Variants in DNER observed in about 807,000 individuals in gnomAD.
DNER encodes delta/notch like EGF repeat containing.
Under a neutral mutation model 78.2 loss-of-function variants are expected in DNER, and 33 were observed. That is an observed-to-expected ratio of 0.42 (90% CI 0.32 to 0.56). The LOEUF (loss-of-function observed/expected upper bound fraction) is 0.56, where lower values mean the gene tolerates loss of function less well. Ranked by LOEUF, DNER falls within the 20% of genes least tolerant of loss-of-function variation. DNER has a pLI of 0.11. For missense variants in DNER, 918 were observed against 975.3 expected (o/e 0.94, Z 0.78); for synonymous variants, 417 against 384.8 (o/e 1.08, Z -0.98).
At chr2:229,471,617 C>T (rs954861645) in intron 7 of DNER, among the ~76,000 whole-genome samples, 2 of 152,116 alleles carry the variant, frequency 1.3e-5, no homozygotes, top group African/African-American at 2.4e-5. Flanking sequence ...TCCTTTTTAC[C>T]GAAGAAAACT....
chr2:229,540,189 A>G (rs1696484270), intron 5 of DNER, among the ~76,000 whole-genome samples: 1 of 152,128 alleles, frequency 6.6e-6, no homozygotes, highest in African/African-American at 2.4e-5. Flanking sequence ...GAGCCTGAAA[A>G]ATAGTTGGGG....
chr2:229,368,860 A>G (rs1479051093), intron 11 of DNER, among the ~76,000 whole-genome samples: 2 of 152,222 alleles, frequency 1.3e-5, no homozygotes, highest in Non-Finnish European at 2.9e-5. Context: ...TCTCTAAAAG[A>G]CAGGATTAAA....
intron 5 of DNER, among the ~76,000 whole-genome samples, chr2:229,528,275 G>T (rs537468251): frequency 6.6e-6 from 1 of 152,338 alleles, no homozygotes; most frequent in Non-Finnish European, 1.5e-5. Flanking sequence ...CAAGGACCAT[G>T]AGAAGGTGAC....
chr2:229,575,728 C>T (rs1344904469), intron 4 of DNER, among the ~76,000 whole-genome samples: 1 of 152,162 alleles, frequency 6.6e-6, no homozygotes. Flanking sequence ...GAATGGAATG[C>T]TCGGGGTATC....
At chr2:229,709,230 T>A (rs2154217863) in intron 1 of DNER, among the ~76,000 whole-genome samples, 1 of 152,366 alleles carries the variant, frequency 6.6e-6, no homozygotes. Flanking sequence ...CATTCTTGCA[T>A]ACTTCTTTAC....
At chr2:229,679,438 C>T (rs1247584217) in intron 1 of DNER, among the ~76,000 whole-genome samples, 1 of 152,162 alleles carries the variant, frequency 6.6e-6, no homozygotes, top group African/African-American at 2.4e-5. Flanking sequence ...TTCAACTTCA[C>T]TTGTACAAAC....
chr2:229,540,810 T>C (rs923671284), intron 5 of DNER, among the ~76,000 whole-genome samples: 12 of 152,162 alleles, frequency 7.9e-5, no homozygotes, highest in Non-Finnish European at 1.6e-4. Flanking sequence ...GCCAGCTCAA[T>C]TGTCTCTCAA....
chr2:229,559,194 G>A (rs1696910484), intron 4 of DNER, among the ~76,000 whole-genome samples: 1 of 152,116 alleles, frequency 6.6e-6, no homozygotes, highest in Non-Finnish European at 1.5e-5. Context: ...CAATCAAGTT[G>A]GTGGTTGGAC....
chr2:229,371,099 G>A (rs1692471640), intron 11 of DNER, among the ~76,000 whole-genome samples: 1 of 152,104 alleles, frequency 6.6e-6, no homozygotes, highest in Non-Finnish European at 1.5e-5. Context: ...CTCTCCCCCT[G>A]CCCTTTTCTT....
intron 7 of DNER, among the ~76,000 whole-genome samples, chr2:229,452,800 G>T (rs1165247218): frequency 6.6e-6 from 1 of 151,998 alleles, no homozygotes; most frequent in Non-Finnish European, 1.5e-5. Flanking sequence ...GCTAATTTTT[G>T]TATTTTTAGT....
chr2:229,580,130 C>T (rs16826216), intron 4 of DNER: 1 of 152,188 alleles, frequency 6.6e-6, no homozygotes, highest in Non-Finnish European at 1.5e-5. Flanking sequence ...AGCACTCTCT[C>T]TAGAGCTCCC....
chr2:229,621,665 A>G (rs566008967), intron 1 of DNER, among the ~76,000 whole-genome samples: 10 of 151,794 alleles, frequency 6.6e-5, no homozygotes, highest in African/African-American at 1.9e-4. Context: ...CATGCTCCCA[A>G]CAGGATGATC....
chr2:229,502,043 A>G (rs966851251), intron 6 of DNER, among the ~76,000 whole-genome samples: 7 of 152,316 alleles, frequency 4.6e-5, no homozygotes, highest in Non-Finnish European at 8.8e-5. Context: ...GAGTAACGGA[A>G]GAACTAACAG....
intron 11 of DNER, among the ~76,000 whole-genome samples, chr2:229,371,728 A>G (rs1401593221): frequency 1.3e-5 from 2 of 152,200 alleles, no homozygotes; most frequent in Non-Finnish European, 2.9e-5. Flanking sequence ...TGCATCTAAA[A>G]TACATAGCCC....
At chr2:229,404,992 CAGT>C (rs1693350201) in intron 10 of DNER, among the ~76,000 whole-genome samples, 1 of 151,868 alleles carries the variant, frequency 6.6e-6, no homozygotes, top group African/African-American at 2.4e-5. Context: ...AGGCAAATGA[CAGT>C]GGAAAAATAT....
At chr2:229,619,849 T>C (rs1387664861) in intron 1 of DNER, among the ~76,000 whole-genome samples, 1 of 152,258 alleles carries the variant, frequency 6.6e-6, no homozygotes, top group Non-Finnish European at 1.5e-5. Flanking sequence ...ATAAACTTAC[T>C]ACAGTGATTT....
chr2:229,376,105 G>A (rs547849116), intron 11 of DNER, among the ~76,000 whole-genome samples: 115 of 152,338 alleles, frequency 7.5e-4, no homozygotes, highest in African/African-American at 2.4e-3. Flanking sequence ...CAGCCATGCT[G>A]AAATGTGAGT....
At chr2:229,702,840 A>C (rs895817254) in intron 1 of DNER, among the ~76,000 whole-genome samples, 2 of 149,356 alleles carry the variant, frequency 1.3e-5, no homozygotes, top group Non-Finnish European at 3.0e-5. Context: ...CGGTGTGAAC[A>C]CGGGAGGTAG....
At chr2:229,546,918 T>C (rs148518467) in intron 5 of DNER, 29 bp downstream of exon 5, 20 of 1,613,646 alleles carry the variant, frequency 1.2e-5, no homozygotes, top group Non-Finnish European at 1.5e-5. Context: ...TAAATATGTG[T>C]ATTTACAAGC....
Sources: allele counts gnomAD v4.1 joint callset (sites outside exome capture counted in the v4.1 genomes callset), GRCh38; gene constraint gnomAD v4.1.1; transcripts MANE v1.5; gene names NCBI Gene and HGNC (gene_info 2026-07-23, HGNC 2026-07-21).